Variants in XYLT2 observed in about 807,000 individuals in gnomAD.
The protein encoded by XYLT2 is UDP-D-xylose:proteoglycan core protein beta-D-xylosyltransferase.
Under a neutral mutation model 82.6 loss-of-function variants are expected in XYLT2, and 37 were observed. The observed-to-expected ratio is 0.45, with a 90% confidence interval of 0.34 to 0.59. The LOEUF is 0.59. XYLT2 is among the 20% of genes least tolerant of loss of function. The probability of loss-of-function intolerance (pLI) is 0.01; values close to 1 mark genes in which losing one functional copy is unlikely to be tolerated. For missense variants in XYLT2, 934 were observed against 1,181.3 expected (o/e 0.79, Z 3.07); for synonymous variants, 474 against 499.0 (o/e 0.95, Z 0.67).
intron 1 of XYLT2, among the ~76,000 whole-genome samples, chr17:50,348,191 T>C (rs972929618): frequency 5.3e-5 from 8 of 152,120 alleles, no homozygotes; most frequent in Admixed American, 1.3e-4. Context: ...AAAAATAAAA[T>C]AGATGAGGTC....
rs189341539 is a variant in XYLT2 at position 50,358,547 on chromosome 17, G to C, written c.2275+7G>C. ...AAACTACCTCTCAGGAAAGGTAAGCGTGCAGTTCTCAAATGAGGCCCAGAA... is the reference window on the plus strand; with the variant it reads ...AAACTACCTCTCAGGAAAGGTAAGCCTGCAGTTCTCAAATGAGGCCCAGAA... On this transcript the variant is annotated splice_region_variant and intron_variant, in intron 10 of 10. Transcript: ENST00000017003. 3 of 1,606,638 alleles carry C rather than the reference G, an allele frequency of 1.9e-6. No homozygotes were observed. In the Admixed American group the frequency reaches 5.0e-5, roughly 27 times the overall value.
rs765405225 is a variant in XYLT2, at chr17:50,358,458, C to G, written c.2193C>G (p.Leu731=). The G allele has an allele frequency of 3.7e-6, 6 of 1,614,214 alleles. No individual in the cohort carries two copies. Among genetic ancestry groups the G allele is most frequent in the Non-Finnish European group, 5.1e-6 (6 of 1,180,044 alleles). The change falls in exon 10 of 11, where the codon CTC becomes CTG. Residue 731 remains leucine, a synonymous_variant. Transcript: ENST00000017003. ...PLRPGPWTVR[L]LQFWEPLGET... ...GGCCAGGGCCCTGGACTGTTCGACT[C>G]CTTCAGTTCTGGGAACCGCTGGGTG... is the stretch of plus-strand genomic sequence containing the variant.
At chr17:50,356,908 G>T in intron 8 of XYLT2, 135 bp downstream of exon 8, 1 of 1,475,304 alleles carries the variant, frequency 6.8e-7, no homozygotes, top group Non-Finnish European at 9.0e-7. Context: ...CCGAAAAGAC[G>T]GCTAGAGCCA....
intron 5 of XYLT2, 98 bp from the exon 6 acceptor site, chr17:50,355,683 A>T (rs1350842411): frequency 6.3e-7 from 1 of 1,585,496 alleles, no homozygotes; most frequent in Admixed American, 1.7e-5. Flanking sequence ...AAGCCTCCAC[A>T]CCAGTCACAG....
chr17:50,349,742 A>G (rs1271099703), intron 1 of XYLT2, among the ~76,000 whole-genome samples: 2 of 152,032 alleles, frequency 1.3e-5, no homozygotes, highest in East Asian at 3.9e-4. Context: ...TGGGTAGGGT[A>G]GTGGGTAGGT....
Position 50,354,931 on chromosome 17 carries a change from G to A in XYLT2, c.882G>A (p.Met294Ile), listed in dbSNP as rs748408591. 2.5e-6 allele frequency: 4 copies of A among 1,602,168 alleles called. No individual in the cohort carries two copies. Among genetic ancestry groups the A allele is most frequent in the Non-Finnish European group, 3.4e-6 (4 of 1,173,868 alleles). Residue 294 changes from methionine to isoleucine, a missense_variant, in exon 4 of 11, where the codon ATG becomes ATA. By Grantham distance (10) the Met-to-Ile change is conservative. Around this residue, in one of 3 missense-constraint regions of XYLT2, gnomAD observed 189 missense variants for 320.8 expected, o/e 0.59. Coordinates refer to ENST00000017003, the MANE Select transcript of XYLT2 (RefSeq NM_022167.4). ...ACGTGCGGGTGACGCCCTGGCGCAT[G>A]GTTACCATCTGGGGCGGGGCCAGCC... The part of the protein sequence containing the change: ...YDNVRVTPWR[M>I]VTIWGGASLL...
Position 50,346,970 on chromosome 17 carries a change from G to A in XYLT2, c.135+695G>A, listed in dbSNP as rs1203981533. On this transcript the variant is annotated intron_variant, in intron 1 of 10. Coordinates refer to ENST00000017003, the MANE Select transcript of XYLT2 (RefSeq NM_022167.4). The surrounding 1 kb of genome is among the most constrained non-coding windows in gnomAD (Gnocchi z 5.1). ...CTCAGGACCTTAGGGAATTAGGGAGGGGCCCTCTGGCTTTAAGGGAATGGG... is the reference window on the plus strand; with the variant it reads ...CTCAGGACCTTAGGGAATTAGGGAGAGGCCCTCTGGCTTTAAGGGAATGGG... 1.0e-5 allele frequency: 10 copies of A among 979,792 alleles called. No homozygotes were observed. Among genetic ancestry groups the A allele is most frequent in the Non-Finnish European group, 1.2e-5 (10 of 824,938 alleles). The allele number at this position is 979,792 out of a possible 1,614,324, so 60.7% of individuals were successfully genotyped here. A position where few individuals can be genotyped will look rare whatever the true frequency, so the allele number is the denominator to read the frequency against.
Position 50,346,448 on chromosome 17 carries a change from A to G in XYLT2, c.135+173A>G, listed in dbSNP as rs1912046338. The G allele has an allele frequency of 8.1e-6, 7 of 863,250 alleles. No homozygotes were observed. Among genetic ancestry groups the G allele is most frequent in the Admixed American group, 6.2e-5 (1 of 16,102 alleles). 53.5% of individuals were successfully genotyped at this position (863,250 alleles called of 1,614,324 possible). ...GGCCCCCGGCACTCCCTTCCCCAGC[A>G]GGCCTAGGGAGCTGCGCGCGGGGGC... On this transcript the variant is annotated intron_variant, in intron 1 of 10. Transcript: ENST00000017003. The surrounding 1 kb of genome is among the most constrained non-coding windows in gnomAD (Gnocchi z 5.1).
rs927915704 is a variant in XYLT2, at chr17:50,361,034, T to G, written c.*743T>G. The G allele has an allele frequency of 5.1e-6, 5 of 985,776 alleles. No homozygotes were observed. The highest frequency in any genetic ancestry group is 1.7e-5 in the African/African-American group (1 of 57,224). 61.1% of individuals were successfully genotyped at this position (985,776 alleles called of 1,614,324 possible). Reference sequence around the variant, plus strand: ...GGTGTGCACTGGAAGTGAGGTCACATGAGCAGCGTGGGAAGAAGACTCTGT... The same window carrying G: ...GGTGTGCACTGGAAGTGAGGTCACAGGAGCAGCGTGGGAAGAAGACTCTGT... On this transcript the variant is annotated 3_prime_UTR_variant, in exon 11 of 11. Transcript: ENST00000017003.
intron 9 of XYLT2, chr17:50,357,742 AT>A (rs1020875355): frequency 3.1e-3 from 485 of 155,840 alleles, no homozygotes; most frequent in Middle Eastern, 9.6e-3. Context: ...CGCCCAGCTA[AT>A]TTTTTTTTTT....
In XYLT2 at chr17:50,360,029, A is replaced by G; in HGVS notation, c.2336A>G (p.Gln779Arg). ...PHNEYMEQSFQGLSSILNLPQ... is the reference protein window; with the variant it reads ...PHNEYMEQSFRGLSSILNLPQ... ...AACGAGTACATGGAGCAGAGTTTCC[A>G]GGGCCTGAGTAGCATCCTGAACCTG... Residue 779 changes from glutamine (Q) to arginine (R), a missense_variant, in exon 11 of 11, where the codon CAG (glutamine) becomes CGG (arginine). Around this residue, in one of 3 missense-constraint regions of XYLT2, gnomAD observed 374 missense variants for 465.6 expected, o/e 0.80. Transcript: ENST00000017003. The G allele has an allele frequency of 6.2e-7, 1 of 1,613,778 alleles. No individual in the cohort carries two copies. The highest frequency in any genetic ancestry group is 2.2e-5 in the East Asian group (1 of 44,872).
At chr17:50,350,932 AG>A (rs555068965) in intron 1 of XYLT2, among the ~76,000 whole-genome samples, 31 of 152,078 alleles carry the variant, frequency 2.0e-4, no homozygotes, top group Non-Finnish European at 2.4e-4. Flanking sequence ...CAGGAGTGCC[AG>A]GGGGGATGAG....
chr17:50,353,023 G>T (rs185192577), intron 1 of XYLT2, among the ~76,000 whole-genome samples: 1 of 152,174 alleles, frequency 6.6e-6, no homozygotes, highest in Non-Finnish European at 1.5e-5. Context: ...AGGGGTACCC[G>T]CAGTGAATCT....
intron 8 of XYLT2, 111 bp from the exon 9 acceptor site, chr17:50,356,946 C>G: frequency 1.4e-6 from 2 of 1,467,626 alleles, no homozygotes; most frequent in Non-Finnish European, 1.8e-6. Context: ...GGGGTGAGAT[C>G]TGGGGAAAGG....
Position 50,356,962 on chromosome 17 carries a change from C to T in XYLT2, c.1746-95C>T, listed in dbSNP as rs983414741. On this transcript the variant is annotated intron_variant, in intron 8 of 10. Coordinates refer to ENST00000017003, the MANE Select transcript of XYLT2 (RefSeq NM_022167.4). ...GGGTGAGATCTGGGGAAAGGAAGTGCCTGGGGATGGGACTCCCCAGAGCCC... is the reference window on the plus strand; with the variant it reads ...GGGTGAGATCTGGGGAAAGGAAGTGTCTGGGGATGGGACTCCCCAGAGCCC... 10 of 1,473,126 alleles carry T rather than the reference C, an allele frequency of 6.8e-6. No individual in the cohort carries two copies. In the Admixed American group the frequency reaches 6.8e-5, roughly 10 times the overall value. The allele number at this position is 1,473,126 out of a possible 1,614,324, so 91.3% of individuals were successfully genotyped here. A position where few individuals can be genotyped will look rare whatever the true frequency, so the allele number is the denominator to read the frequency against.
At chr17:50,348,363 A>G (rs1912124530) in intron 1 of XYLT2, among the ~76,000 whole-genome samples, 1 of 152,202 alleles carries the variant, frequency 6.6e-6, no homozygotes, top group African/African-American at 2.4e-5. Flanking sequence ...GAATGGGCTT[A>G]GCTGGGCACC....
Position 50,354,555 on chromosome 17 carries a change from A to G in XYLT2, c.776A>G (p.Gln259Arg). 1 of 1,611,600 alleles carries G rather than the reference A, an allele frequency of 6.2e-7. No homozygotes were observed. The highest frequency in any genetic ancestry group is 1.7e-4 in the Middle Eastern group (1 of 6,054). ...KRLLKAVYHE[Q>R]HFFYIHVDKR... The stretch of plus-strand genomic sequence containing the variant: ...CTCCTCAAGGCCGTTTATCACGAGC[A>G]GCACTTCTTTTACATCCATGTGGAC... Residue 259 changes from glutamine to arginine, a missense_variant, in exon 3 of 11, where the codon CAG becomes CGG. By Grantham distance (43) the Gln-to-Arg change is conservative (BLOSUM62 1). Coordinates refer to ENST00000017003, the MANE Select transcript of XYLT2 (RefSeq NM_022167.4).
intron 1 of XYLT2, among the ~76,000 whole-genome samples, chr17:50,347,122 G>T (rs549378244): frequency 6.6e-6 from 1 of 152,308 alleles, no homozygotes; most frequent in South Asian, 2.1e-4. Context: ...AGACACCTCA[G>T]CGGTGTGGTG....
Position 50,360,299 on chromosome 17 carries a change from C to A in XYLT2, c.*8C>A, listed in dbSNP as rs756980598. On this transcript the variant is annotated 3_prime_UTR_variant, in exon 11 of 11. Transcript: ENST00000017003. ...GACGGGCGACTCAGGTAGCAGGGCC[C>A]CAGCCAGTACCCGTGGAGGACCCGG... 3.2e-6 allele frequency: 5 copies of A among 1,575,424 alleles called. No homozygotes were observed. Among genetic ancestry groups the A allele is most frequent in the East Asian group, 2.3e-5 (1 of 44,112 alleles).
Sources: allele counts gnomAD v4.1 joint callset (sites outside exome capture counted in the v4.1 genomes callset), GRCh38; gene constraint gnomAD v4.1.1; regional missense constraint gnomAD v4.1.1; non-coding constraint Gnocchi (gnomAD v3.1); transcripts MANE v1.5; gene names NCBI Gene and HGNC (gene_info 2026-07-23, HGNC 2026-07-21).